Variants in SLC6A6 observed in about 807,000 individuals in gnomAD.
The protein encoded by SLC6A6 is sodium- and chloride-dependent taurine transporter.
A neutral mutation model predicts 68.8 loss-of-function variants in SLC6A6; 16 were observed. The observed-to-expected ratio is 0.23, with a 90% CI of 0.16 to 0.35. The LOEUF (loss-of-function observed/expected upper bound fraction) is 0.35. SLC6A6 is among the 10% of genes least tolerant of loss of function. The pLI is 1.00. For missense variants in SLC6A6, 474 were observed against 802.8 expected, an observed-to-expected ratio of 0.59 and a Z score of 4.95; for synonymous variants, 312 against 315.4, an observed-to-expected ratio of 0.99 and a Z score of 0.12.
At chr3:14,455,459 G>T (rs981218086) in intron 5 of SLC6A6, among the ~76,000 whole-genome samples, 2 of 152,212 alleles carry the variant, frequency 1.3e-5, no homozygotes, top group African/African-American at 4.8e-5. Flanking sequence ...AGGCTGTCTT[G>T]TGACTGGGCA....
In SLC6A6 at chr3:14,477,520, A is replaced by C. The variant is rs957603343; in HGVS notation, c.1347+178A>C. 1.3e-5 allele frequency among the ~76,000 whole-genome samples: 2 copies of C among 152,200 alleles called. No individual in the cohort carries two copies. Among genetic ancestry groups the C allele is most frequent in the Admixed American group, 6.5e-5 (1 of 15,284 alleles). On this transcript the variant is annotated intron_variant, in intron 11 of 14. Transcript: ENST00000622186. The surrounding 1 kb of genome is among the most constrained non-coding windows in gnomAD (Gnocchi z 4.2). ...GTAGCACGAGGGGGCTCAGGAGCCC[A>C]CAGCTGACCCAAACTACCCAATTAT... is the stretch of plus-strand genomic sequence containing the variant.
At chr3:14,478,376 TA>T (rs111588439) in intron 11 of SLC6A6, 89 bp from the exon 12 acceptor site, 3 of 766,230 alleles carry the variant, frequency 3.9e-6, no homozygotes, top group African/African-American at 3.5e-5. Context: ...TGGGTTTTTT[TA>T]ATCTTATTGA....
At chr3:14,480,885 A>G (rs2124998688) in intron 13 of SLC6A6, among the ~76,000 whole-genome samples, 1 of 152,310 alleles carries the variant, frequency 6.6e-6, no homozygotes, top group Non-Finnish European at 1.5e-5. Context: ...CCATTCATGC[A>G]TGCTGATGGC....
In SLC6A6 at chr3:14,468,691, CTG is replaced by C. The variant is rs903382011; in HGVS notation, c.1096+483_1096+484del. ...GATTTCTCGTGAATGAGTCCCAACTCTGTGTCAGGCACCACCGTAGGCACTGG... is the reference window on the plus strand; with the variant it reads ...GATTTCTCGTGAATGAGTCCCAACTCTGTCAGGCACCACCGTAGGCACTGG... On this transcript the variant is annotated intron_variant, in intron 9 of 14. Coordinates refer to ENST00000622186, the MANE Select transcript of SLC6A6 (RefSeq NM_003043.6). This position sits in a 1 kb window ranked among gnomAD's most constrained non-coding sequence, Gnocchi z 4.5. Among the ~76,000 whole-genome samples, 6 of 152,242 alleles carry C rather than the reference CTG, an allele frequency of 3.9e-5. No homozygotes were observed. Among genetic ancestry groups the C allele is most frequent in the Admixed American group, 3.3e-4 (5 of 15,306 alleles).
intron 2 of SLC6A6, among the ~76,000 whole-genome samples, chr3:14,438,108 G>A (rs961842030): frequency 1.3e-5 from 2 of 150,972 alleles, no homozygotes; most frequent in African/African-American, 4.9e-5. Context: ...GCCTCCCAAA[G>A]TGCTGGAATT....
At chr3:14,434,839 C>T (rs1033178660) in intron 2 of SLC6A6, among the ~76,000 whole-genome samples, 2 of 152,190 alleles carry the variant, frequency 1.3e-5, no homozygotes, top group Admixed American at 6.5e-5. Context: ...TGCTGCCTCT[C>T]CTCTGCTGCC....
rs1007420015 is a variant in SLC6A6 at position 14,472,920 on chromosome 3, C to G, written c.1209+603C>G. Among the ~76,000 whole-genome samples the G allele has an allele frequency of 6.6e-6, 1 of 152,226 alleles. No homozygotes were observed. The highest frequency in any genetic ancestry group is 2.4e-5 in the African/African-American group (1 of 41,460). On this transcript the variant is annotated intron_variant, in intron 10 of 14. Coordinates refer to ENST00000622186, the MANE Select transcript of SLC6A6 (RefSeq NM_003043.6). This position sits in a 1 kb window ranked among gnomAD's most constrained non-coding sequence, Gnocchi z 4.5. ...TACACCGCACAGGCCGGGAGCCTCG[C>G]TCAAACCCGCCCTGACCTCTGGCTG...
chr3:14,417,946 G>A lies in SLC6A6; in HGVS notation c.-12+1493G>A, dbSNP rs949969906. 5.9e-5 allele frequency among the ~76,000 whole-genome samples: 9 copies of A among 152,206 alleles called. No homozygotes were observed. In the East Asian group the frequency reaches 9.7e-4, roughly 16 times the overall value. On this transcript the variant is annotated intron_variant, in intron 2 of 14. Transcript: ENST00000622186. Reference sequence around the variant, plus strand: ...AAAGGGTTTAAGGGATGTCTCCTTCGCTGATTAAGACATTGCCTGCTCTAG... The same window carrying A: ...AAAGGGTTTAAGGGATGTCTCCTTCACTGATTAAGACATTGCCTGCTCTAG...
intron 2 of SLC6A6, among the ~76,000 whole-genome samples, chr3:14,429,418 G>A (rs2118106): frequency 6.6e-6 from 1 of 152,326 alleles, no homozygotes; most frequent in East Asian, 1.9e-4. Flanking sequence ...GATGATCCTG[G>A]ACTTAGTGAG....
In SLC6A6 at chr3:14,481,147, G is replaced by T. The variant is rs560618869; in HGVS notation, c.1552-524G>T. 6.6e-6 allele frequency among the ~76,000 whole-genome samples: 1 copy of T among 152,218 alleles called. No individual in the cohort carries two copies. Among genetic ancestry groups the T allele is most frequent in the African/African-American group, 2.4e-5 (1 of 41,448 alleles). On this transcript the variant is annotated intron_variant, in intron 13 of 14. Coordinates refer to ENST00000622186, the MANE Select transcript of SLC6A6 (RefSeq NM_003043.6). This position sits in a 1 kb window ranked among gnomAD's most constrained non-coding sequence, Gnocchi z 4.7. The stretch of plus-strand genomic sequence containing the variant: ...TCAGACTCACAGTCTGGCAGAACAC[G>T]TGTGCCCAAGAGATGGTTACAACCA...
rs1700690120 is a variant in SLC6A6, at chr3:14,468,918, G to A, written c.1096+706G>A. 6.6e-6 allele frequency among the ~76,000 whole-genome samples: 1 copy of A among 152,166 alleles called. No homozygotes were observed. On this transcript the variant is annotated intron_variant, in intron 9 of 14. Coordinates refer to ENST00000622186, the MANE Select transcript of SLC6A6 (RefSeq NM_003043.6). The surrounding 1 kb of genome is among the most constrained non-coding windows in gnomAD (Gnocchi z 4.5). The stretch of plus-strand genomic sequence containing the variant: ...GAATCACGGACTCTGCACAGACGGG[G>A]AACTTAGGAATCTGGGATCCCAGAG...
chr3:14,464,445 T>C (rs138662097), intron 6 of SLC6A6, among the ~76,000 whole-genome samples: 1 of 152,266 alleles, frequency 6.6e-6, no homozygotes, highest in Non-Finnish European at 1.5e-5. Flanking sequence ...CCAGTGAAAA[T>C]AGACGTCACA....
chr3:14,416,851 GTT>G (rs1203706661), intron 2 of SLC6A6, among the ~76,000 whole-genome samples: 2 of 152,234 alleles, frequency 1.3e-5, no homozygotes, highest in East Asian at 1.9e-4. Context: ...TTAAAGGTTT[GTT>G]TTTGTTTTGA....
chr3:14,474,817 C>T (rs771866091), intron 10 of SLC6A6, among the ~76,000 whole-genome samples: 1 of 152,220 alleles, frequency 6.6e-6, no homozygotes, highest in Non-Finnish European at 1.5e-5. Context: ...AGATCTACAG[C>T]CCAGAGGCAG....
At chr3:14,480,735 C>A (rs1700987928) in intron 13 of SLC6A6, among the ~76,000 whole-genome samples, 1 of 152,246 alleles carries the variant, frequency 6.6e-6, no homozygotes, top group Admixed American at 6.5e-5. Context: ...AATCAGAGGC[C>A]ACCCTGGGCC....
intron 2 of SLC6A6, among the ~76,000 whole-genome samples, chr3:14,425,793 C>G (rs935369568): frequency 9.9e-5 from 15 of 152,144 alleles, no homozygotes; most frequent in African/African-American, 3.6e-4. Flanking sequence ...TTCCCCTCAT[C>G]AGTTTCATTG....
At chr3:14,407,405 T>C (rs1009068614) in intron 1 of SLC6A6, among the ~76,000 whole-genome samples, 1 of 152,184 alleles carries the variant, frequency 6.6e-6, no homozygotes, top group East Asian at 1.9e-4. Context: ...TGTATACACC[T>C]GTGTAACCAC....
intron 3 of SLC6A6, 156 bp downstream of exon 3, chr3:14,444,019 C>T (rs1167937283): frequency 4.9e-6 from 3 of 614,726 alleles, no homozygotes; most frequent in Non-Finnish European, 5.9e-6. Context: ...CCTGCCAACC[C>T]CACCCTTAGA....
intron 5 of SLC6A6, among the ~76,000 whole-genome samples, chr3:14,457,183 C>A (rs1164745354): frequency 6.6e-6 from 1 of 152,138 alleles, no homozygotes; most frequent in Admixed American, 6.5e-5. Flanking sequence ...CAAAGACCCA[C>A]GCTCTGCCGT....
Sources: allele counts gnomAD v4.1 joint callset (sites outside exome capture counted in the v4.1 genomes callset), GRCh38; gene constraint gnomAD v4.1.1; non-coding constraint Gnocchi (gnomAD v3.1); transcripts MANE v1.5; gene names NCBI Gene and HGNC (gene_info 2026-07-23, HGNC 2026-07-21).